The following RGS7 variants were observed in gnomAD, a reference collection of about 807,000 sequenced individuals.
RGS7 encodes regulator of G protein signaling 7, also known as regulator of G-protein signaling 7.
A neutral mutation model predicts 81.1 loss-of-function variants in RGS7; 27 were observed. That is an observed-to-expected ratio of 0.33 (90% confidence interval 0.25 to 0.46). RGS7 has a LOEUF of 0.46. Ranked by LOEUF, RGS7 falls within the 20% of genes least tolerant of loss-of-function variation. RGS7 has a pLI of 1.00. For synonymous variants in RGS7, 208 were observed against 207.7 expected (o/e 1.00, Z -0.01); for missense variants, 396 against 607.4 (o/e 0.65, Z 3.66).
rs113176047 is a variant in RGS7, at chr1:241,102,248, C to A, written c.79-3486G>T. Among the ~76,000 whole-genome samples the A allele has an allele frequency of 1.8e-3, 101 of 56,850 alleles. No homozygotes were observed. In the African/African-American group the frequency reaches 0.041, roughly 23 times the overall value. 37.3% of individuals were successfully genotyped at this position (56,850 alleles called of 152,430 possible). A position where few individuals can be genotyped will look rare whatever the true frequency, so the allele number is the denominator to read the frequency against. On this transcript the variant is annotated intron_variant, in intron 2 of 18. Transcript: ENST00000440928. ...GAAGAACAAAGACACATAAAAAAAA[C>A]CCCTGCTTTCTAAAAACTAAAATCA...
intron 2 of RGS7, among the ~76,000 whole-genome samples, chr1:241,293,149 A>T (rs1292566319): frequency 6.6e-6 from 1 of 152,172 alleles, no homozygotes; most frequent in Non-Finnish European, 1.5e-5. Flanking sequence ...TGGAGCTGAA[A>T]ATTTCCTATC....
At chr1:241,029,629 TC>T (rs905260038) in intron 3 of RGS7, among the ~76,000 whole-genome samples, 1 of 152,226 alleles carries the variant, frequency 6.6e-6, no homozygotes, top group Non-Finnish European at 1.5e-5. Context: ...TTACCTTGCA[TC>T]CCAGGGTCTT....
chr1:241,120,609 G>C (rs1283768896), intron 2 of RGS7, among the ~76,000 whole-genome samples: 2 of 152,138 alleles, frequency 1.3e-5, no homozygotes, highest in East Asian at 3.9e-4. Flanking sequence ...TCTTCCCAAA[G>C]TGTGGGAATT....
chr1:241,158,241 T>A (rs1322403728), intron 2 of RGS7, among the ~76,000 whole-genome samples: 1 of 152,202 alleles, frequency 6.6e-6, no homozygotes, highest in Non-Finnish European at 1.5e-5. Context: ...CCAAATATGT[T>A]TACTATCTGG....
intron 2 of RGS7, among the ~76,000 whole-genome samples, chr1:241,315,793 C>G (rs151261610): frequency 6.6e-6 from 1 of 152,290 alleles, no homozygotes; most frequent in East Asian, 1.9e-4. Context: ...AGAGAAAAAG[C>G]TTTCAGTTTT....
rs369807057 is a variant in RGS7, at chr1:241,343,834, G to C, written c.78+11865C>G. ...TCATTAAACTGTGCACTTAAATATA[G>C]CTAAAATGGTACATTTTATGATATA... On this transcript the variant is annotated intron_variant, in intron 2 of 18. Transcript: ENST00000440928. Among the ~76,000 whole-genome samples the C allele has an allele frequency of 4.6e-5, 7 of 152,058 alleles. No individual in the cohort carries two copies. In the East Asian group the frequency reaches 9.6e-4, roughly 21 times the overall value.
At chr1:241,247,333 A>G (rs2076597425) in intron 2 of RGS7, among the ~76,000 whole-genome samples, 1 of 152,224 alleles carries the variant, frequency 6.6e-6, no homozygotes, top group African/African-American at 2.4e-5. Flanking sequence ...ATTTGGAAGT[A>G]ATGGCTTTTA....
chr1:241,186,510 C>CACATAT, intron 2 of RGS7: 1 of 305,318 alleles, frequency 3.3e-6, no homozygotes, highest in Non-Finnish European at 4.3e-6. Flanking sequence ...ATTTCCTAAC[C>CACATAT]ATATATATAT....
intron 2 of RGS7, among the ~76,000 whole-genome samples, chr1:241,179,000 T>C (rs2071384122): frequency 6.6e-6 from 1 of 152,234 alleles, no homozygotes; most frequent in South Asian, 2.1e-4. Context: ...TCCATCATGG[T>C]GCCTGCACTG....
At chr1:241,105,815 CAGA>C (rs2065058888) in intron 2 of RGS7, among the ~76,000 whole-genome samples, 1 of 152,300 alleles carries the variant, frequency 6.6e-6, no homozygotes, top group Admixed American at 6.5e-5. Flanking sequence ...ATCAAAATTT[CAGA>C]AGAAGTTTTC....
At position 240,935,068 on chromosome 1, in the gene RGS7, G is replaced by GTT. The variant is rs34177709; in HGVS notation, c.333+1530_333+1531dup. 2.5e-4 allele frequency among the ~76,000 whole-genome samples: 36 copies of GTT among 145,732 alleles called. 1 individual carries two copies. The highest frequency in any genetic ancestry group is 1.7e-3 in the South Asian group (8 of 4,578). On this transcript the variant is annotated intron_variant, in intron 5 of 18. Transcript: ENST00000440928. ...AACACCCAGCTAATTTTTTTTGTTTGTTTTTTTTTTAGTAGAGATGAGGTT... is the reference window on the plus strand; with the variant it reads ...AACACCCAGCTAATTTTTTTTGTTTGTTTTTTTTTTTTAGTAGAGATGAGGTT...
chr1:241,300,634 G>A lies in RGS7; in HGVS notation c.78+55065C>T, dbSNP rs190555568. 2.8e-4 allele frequency among the ~76,000 whole-genome samples: 42 copies of A among 152,298 alleles called. No homozygotes were observed. In the East Asian group the frequency reaches 7.7e-3, roughly 28 times the overall value. On this transcript the variant is annotated intron_variant, in intron 2 of 18. Transcript: ENST00000440928. ...AGCATTGAATAATATTCCATTGTCTGGAGGTACCACAGTTTATCTATTCAC... is the reference window on the plus strand; with the variant it reads ...AGCATTGAATAATATTCCATTGTCTAGAGGTACCACAGTTTATCTATTCAC...
intron 6 of RGS7, among the ~76,000 whole-genome samples, chr1:240,929,195 G>T (rs1211287599): frequency 6.6e-6 from 1 of 152,134 alleles, no homozygotes; most frequent in Non-Finnish European, 1.5e-5. Flanking sequence ...CAATGCCTGG[G>T]TTTTTCTCTA....
chr1:241,230,307 A>G (rs969896088), intron 2 of RGS7, among the ~76,000 whole-genome samples: 3 of 151,956 alleles, frequency 2.0e-5, no homozygotes, highest in Non-Finnish European at 4.4e-5. Context: ...TCCGCCTCCC[A>G]GGTTCAAGTG....
At chr1:241,229,048 A>C (rs914095273) in intron 2 of RGS7, among the ~76,000 whole-genome samples, 1 of 122,898 alleles carries the variant, frequency 8.1e-6, no homozygotes, top group African/African-American at 3.5e-5. Context: ...AAATTAGATC[A>C]AAATAAAAAA....
rs2148927533 is a variant in RGS7 at position 241,090,440 on chromosome 1, T to C, written c.175+8226A>G. On this transcript the variant is annotated intron_variant, in intron 3 of 18. Transcript: ENST00000440928. ...TGTGCAGTTTGAGACTTCTTTGACA[T>C]ACCCAAGCGAAAATACTGTATACAC... Among the ~76,000 whole-genome samples the C allele has an allele frequency of 3.3e-5, 5 of 152,240 alleles. No individual in the cohort carries two copies. In the South Asian group the frequency reaches 1.0e-3, roughly 32 times the overall value.
chr1:241,265,859 A>T (rs1284122832), intron 2 of RGS7, among the ~76,000 whole-genome samples: 1 of 141,206 alleles, frequency 7.1e-6, no homozygotes, highest in Non-Finnish European at 1.5e-5. Flanking sequence ...CAACGGCGCA[A>T]TCTCGGCTCA....
At chr1:241,188,242 T>TA (rs984876510) in intron 2 of RGS7, among the ~76,000 whole-genome samples, 1 of 148,492 alleles carries the variant, frequency 6.7e-6, no homozygotes, top group South Asian at 2.1e-4. Flanking sequence ...GAAAAAAAGT[T>TA]AGAGTTTTAT....
intron 18 of RGS7, among the ~76,000 whole-genome samples, chr1:240,791,722 C>G (rs753806774): frequency 6.6e-6 from 1 of 152,120 alleles, no homozygotes; most frequent in Non-Finnish European, 1.5e-5. Flanking sequence ...GGCCTCACAA[C>G]TAGAAATAAT....
Sources: allele counts gnomAD v4.1 joint callset (sites outside exome capture counted in the v4.1 genomes callset), GRCh38; gene constraint gnomAD v4.1.1; transcripts MANE v1.5; gene names NCBI Gene and HGNC (gene_info 2026-07-23, HGNC 2026-07-21).